SP140: variants seen among roughly 807,000 people sequenced by gnomAD.
SP140 encodes the protein SP140 nuclear body protein.
Under a neutral mutation model 125.0 loss-of-function variants are expected in SP140, and 81 were observed. The ratio of observed to expected loss-of-function variants is 0.65; its 90% CI spans 0.54 to 0.78. The LOEUF (loss-of-function observed/expected upper bound fraction) is 0.78. SP140 is among the 30% of genes least tolerant of loss of function. The probability of loss-of-function intolerance (pLI) is 0.00; values close to 1 mark genes in which losing one functional copy is unlikely to be tolerated. For synonymous variants in SP140, 312 were observed against 354.0 expected (o/e 0.88, Z 1.33); for missense variants, 858 against 1,037.0 (o/e 0.83, Z 2.37).
intron 15 of SP140, among the ~76,000 whole-genome samples, chr2:230,273,796 A>G (rs1201777051): frequency 6.6e-6 from 1 of 152,234 alleles, no homozygotes; most frequent in Non-Finnish European, 1.5e-5. Flanking sequence ...TGTGCTTTGC[A>G]GGGACATGGA....
chr2:230,200,803 G>A, upstream of SP140: 1 of 1,111,342 alleles, frequency 9.0e-7, no homozygotes, highest in South Asian at 1.2e-5. Flanking sequence ...AAAAAGTTAA[G>A]AAATATTGCC....
intron 3 of SP140, chr2:230,214,952 C>T (rs757193455): frequency 2.3e-5 from 37 of 1,613,522 alleles, no homozygotes; most frequent in East Asian, 8.9e-5. Context: ...CTCATTACCA[C>T]GTTTGAAGCT....
chr2:230,280,146 A>C (rs932487867), intron 15 of SP140, among the ~76,000 whole-genome samples: 1 of 152,158 alleles, frequency 6.6e-6, no homozygotes, highest in Non-Finnish European at 1.5e-5. Flanking sequence ...ATTCTTGCAC[A>C]TGGTTGTATA....
At chr2:230,188,748 G>A in the SP140 span, among the ~76,000 whole-genome samples, 2 of 151,988 alleles carry the variant, frequency 1.3e-5, no homozygotes, top group African/African-American at 4.8e-5. Flanking sequence ...AATGATCTAT[G>A]GTTTTTAATT....
At chr2:230,264,550 G>A (rs1287135693) in intron 12 of SP140, among the ~76,000 whole-genome samples, 1 of 152,134 alleles carries the variant, frequency 6.6e-6, no homozygotes, top group Non-Finnish European at 1.5e-5. Flanking sequence ...AAAGAGCCTT[G>A]TTTTGTCATA....
chr2:230,231,702 C>T (rs1213875271), intron 1 of SP140, among the ~76,000 whole-genome samples: 4 of 151,990 alleles, frequency 2.6e-5, no homozygotes, highest in Admixed American at 6.6e-5. Context: ...TTTCTCCCTC[C>T]ACCCTTTTTT....
chr2:230,269,454 C>T, intron 12 of SP140, 78 bp from the exon 13 acceptor site: 2 of 854,100 alleles, frequency 2.3e-6, no homozygotes, highest in Admixed American at 1.8e-5. Context: ...TATCAGTGTG[C>T]AGTATAGCAG....
At position 230,255,540 on chromosome 2, in the gene SP140, CGGG is replaced by C. The variant is rs55829350; in HGVS notation, c.1240+16_1240+18del. The C allele has an allele frequency of 3.0e-5, 47 of 1,561,350 alleles. No homozygotes were observed. The highest frequency in any genetic ancestry group is 3.8e-5 in the Non-Finnish European group (43 of 1,138,986). On this transcript the variant is annotated intron_variant, in intron 12 of 26. Coordinates refer to ENST00000392045, the MANE Select transcript of SP140 (RefSeq NM_007237.5). ...TAGCAAGACGTGGGTCAGGTAAGGA[CGGG>C]GGGGGGGATTTCTGGCCCTGGGCTG...
At chr2:230,222,282 C>T (rs148463970), upstream of SP140, among the ~76,000 whole-genome samples, 155 of 150,536 alleles carry the variant, frequency 1.0e-3, 1 homozygote, top group African/African-American at 4.9e-5. Context: ...AATGGGAAAA[C>T]GTCACCTGTT....
chr2:230,224,431 G>A (rs905647660), upstream of SP140, among the ~76,000 whole-genome samples: 1 of 135,834 alleles, frequency 7.4e-6, no homozygotes, highest in Admixed American at 7.2e-5. Context: ...TTTAAAGAGG[G>A]AGGGAGAGGG....
chr2:230,253,390 C>T lies in SP140; in HGVS notation c.1132C>T (p.Leu378Phe). ...VTNEGEPEKE[L>F]SLLPGEGEEG... The stretch of plus-strand genomic sequence containing the variant: ...TAATGAAGGAGAACCAGAGAAGGAG[C>T]TCAGTCTACTACCAGGTGAAGGAGA... Residue 378 changes from leucine to phenylalanine, a missense_variant, in exon 11 of 27, where the codon CTC (leucine) becomes TTC (phenylalanine). Leu to Phe is a conservative substitution (Grantham distance 22). Around this residue, in one of 4 missense-constraint regions of SP140, gnomAD observed 791 missense variants for 869.5 expected, o/e 0.91. Transcript: ENST00000392045. 6.2e-7 allele frequency: 1 copy of T among 1,607,876 alleles called. No individual in the cohort carries two copies. The highest frequency in any genetic ancestry group is 8.5e-7 in the Non-Finnish European group (1 of 1,174,396).
At chr2:230,225,709 G>A (rs1379583620), upstream of SP140, 11 of 741,486 alleles carry the variant, frequency 1.5e-5, no homozygotes, top group South Asian at 1.2e-4. Flanking sequence ...GTGCACCCAC[G>A]TCAGCTAGTT....
rs560847830 is a variant in SP140 at position 230,237,831 on chromosome 2, A to G, written c.238-382A>G. Among the ~76,000 whole-genome samples the G allele has an allele frequency of 1.1e-5, 1 of 90,480 alleles. No individual in the cohort carries two copies. The highest frequency in any genetic ancestry group is 2.4e-4 in the East Asian group (1 of 4,208). The allele number at this position is 90,480 out of a possible 152,430, so 59.4% of individuals were successfully genotyped here. On this transcript the variant is annotated intron_variant, in intron 2 of 26. Transcript: ENST00000392045. This position sits in a 1 kb window ranked among gnomAD's most constrained non-coding sequence, Gnocchi z 5.4. ...TCTGTGCCCTTTGGCCAGGAGTCATAGTGGGGGCTGGTTGATTGGTTTCCT... is the reference window on the plus strand; with the variant it reads ...TCTGTGCCCTTTGGCCAGGAGTCATGGTGGGGGCTGGTTGATTGGTTTCCT...
intron 20 of SP140, among the ~76,000 whole-genome samples, chr2:230,293,461 C>T (rs914373551): frequency 6.6e-5 from 10 of 152,280 alleles, no homozygotes; most frequent in African/African-American, 1.7e-4. Context: ...CTCAGCCTCT[C>T]GAGTAGCTGG....
At chr2:230,187,746 G>A in the SP140 span, among the ~76,000 whole-genome samples, 1 of 152,084 alleles carries the variant, frequency 6.6e-6, no homozygotes, top group African/African-American at 2.4e-5. Context: ...TATTAAATAT[G>A]GTGTCATTTC....
At chr2:230,260,959 T>G (rs1240935557) in intron 12 of SP140, among the ~76,000 whole-genome samples, 1 of 152,208 alleles carries the variant, frequency 6.6e-6, no homozygotes, top group Non-Finnish European at 1.5e-5. Flanking sequence ...TAGAGGTGTT[T>G]TTTCTAATTC....
intron 1 of SP140, chr2:230,212,326 A>C (rs1443958838): frequency 1.3e-6 from 2 of 1,578,302 alleles, no homozygotes; most frequent in South Asian, 1.1e-5. Context: ...GCTAAGCGGT[A>C]TCAGCCCCAG....
At chr2:230,297,071 G>T (rs891774215) in intron 21 of SP140, among the ~76,000 whole-genome samples, 1 of 152,336 alleles carries the variant, frequency 6.6e-6, no homozygotes, top group Non-Finnish European at 1.5e-5. Context: ...ACAAGGAGAG[G>T]TTCAGAGAAC....
In SP140 at chr2:230,249,055, A is replaced by C. The variant is rs547124781; in HGVS notation, c.976+87A>C. Reference sequence around the variant, plus strand: ...AAAAAGTTTCCCTTTCTCCCATCCTACCCTTCCCTTCTTCACATTCGCATA... The same window carrying C: ...AAAAAGTTTCCCTTTCTCCCATCCTCCCCTTCCCTTCTTCACATTCGCATA... On this transcript the variant is annotated intron_variant, in intron 9 of 26. Transcript: ENST00000392045. The C allele has an allele frequency of 8.3e-6, 8 of 964,640 alleles. No individual in the cohort carries two copies. The East Asian group carries it at 1.0e-4, about 12-fold the overall frequency. 59.8% of individuals were successfully genotyped at this position (964,640 alleles called of 1,614,324 possible). A position where few individuals can be genotyped will look rare whatever the true frequency, so the allele number is the denominator to read the frequency against.
Sources: allele counts gnomAD v4.1 joint callset (sites outside exome capture counted in the v4.1 genomes callset), GRCh38; gene constraint gnomAD v4.1.1; regional missense constraint gnomAD v4.1.1; non-coding constraint Gnocchi (gnomAD v3.1); transcripts MANE v1.5; gene names NCBI Gene and HGNC (gene_info 2026-07-23, HGNC 2026-07-21).